The following SRGAP3 variants were observed in gnomAD, a reference collection of about 807,000 sequenced individuals.
The protein encoded by SRGAP3 is SLIT-ROBO Rho GTPase activating protein 3, also known as SLIT-ROBO Rho GTPase-activating protein 3.
A neutral mutation model predicts 121.1 loss-of-function variants in SRGAP3; 39 were observed. The observed-to-expected ratio is 0.32, with a 90% CI of 0.25 to 0.42. The LOEUF is 0.42. Ranked by LOEUF, SRGAP3 falls within the 10% of genes least tolerant of loss-of-function variation. SRGAP3 has a pLI of 1.00. For missense variants in SRGAP3, 1,213 were observed against 1,470.6 expected, an observed-to-expected ratio of 0.82 and a Z score of 2.86; for synonymous variants, 601 against 570.0, an observed-to-expected ratio of 1.05 and a Z score of -0.77.
chr3:9,034,606 C>T (rs1050764616), intron 11 of SRGAP3: 2 of 152,204 alleles, frequency 1.3e-5, no homozygotes, highest in African/African-American at 4.8e-5. Context: ...ACAATGGAAA[C>T]AAAATAACAG....
chr3:9,144,540 T>C lies in SRGAP3; in HGVS notation c.68-19623A>G, dbSNP rs147695127. Among the ~76,000 whole-genome samples the C allele has an allele frequency of 4.1e-3, 621 of 152,256 alleles. 4 individuals carry two copies. Among genetic ancestry groups the C allele is most frequent in the African/African-American group, 0.013 (543 of 41,554 alleles). ...GTTGTGGGAGGGACCCAGGAGGAGG[T>C]AGTTGAATCATGGGGGCCTATCTTT... On this transcript the variant is annotated intron_variant, in intron 1 of 21. Coordinates refer to ENST00000383836, the MANE Select transcript of SRGAP3 (RefSeq NM_014850.4).
chr3:9,234,070 G>A (rs970384252), intron 1 of SRGAP3, among the ~76,000 whole-genome samples: 2 of 152,172 alleles, frequency 1.3e-5, no homozygotes, highest in South Asian at 2.1e-4. Flanking sequence ...GATGCTCAGG[G>A]TGGGGCCTGA....
intron 1 of SRGAP3, among the ~76,000 whole-genome samples, chr3:9,350,893 A>G (rs1374579360): frequency 6.6e-6 from 1 of 152,174 alleles, no homozygotes; most frequent in Non-Finnish European, 1.5e-5. Flanking sequence ...CCCAAAACTT[A>G]GTAGTTTACC....
intron 1 of SRGAP3, among the ~76,000 whole-genome samples, chr3:9,136,220 G>A (rs1293790385): frequency 6.6e-6 from 1 of 152,130 alleles, no homozygotes; most frequent in African/African-American, 2.4e-5. Flanking sequence ...TGCGCTGCCC[G>A]GACACGGGCT....
intron 2 of SRGAP3, among the ~76,000 whole-genome samples, chr3:9,110,023 A>G (rs1948558524): frequency 6.6e-6 from 1 of 152,126 alleles, no homozygotes. Context: ...GCAGACCTTG[A>G]AGGGTTTACA....
intron 3 of SRGAP3, among the ~76,000 whole-genome samples, chr3:9,304,977 A>C (rs1452858224): frequency 1.3e-5 from 2 of 152,122 alleles, no homozygotes; most frequent in Non-Finnish European, 2.9e-5. Flanking sequence ...TTTAATCCTC[A>C]CAACAACCTT....
At chr3:9,209,758 G>A (rs1478991621) in intron 1 of SRGAP3, among the ~76,000 whole-genome samples, 1 of 152,188 alleles carries the variant, frequency 6.6e-6, no homozygotes, top group Admixed American at 6.5e-5. Flanking sequence ...TTGGCTAAAT[G>A]CATAATGGTA....
chr3:9,303,494 G>A (rs1414593060), intron 3 of SRGAP3, among the ~76,000 whole-genome samples: 1 of 151,062 alleles, frequency 6.6e-6, no homozygotes, highest in Non-Finnish European at 1.5e-5. Flanking sequence ...ACACAATACA[G>A]CAGTATTAAC....
chr3:9,057,042 C>T (rs1030039472), intron 7 of SRGAP3, among the ~76,000 whole-genome samples: 3 of 152,266 alleles, frequency 2.0e-5, no homozygotes, highest in East Asian at 1.9e-4. Context: ...CCACCATGCC[C>T]AGCTATTTTT....
chr3:9,035,968 A>T (rs563260347), intron 11 of SRGAP3: 3 of 152,284 alleles, frequency 2.0e-5, no homozygotes, highest in African/African-American at 7.2e-5. Flanking sequence ...GGGCATGTCA[A>T]CCTGGGTAAG....
At chr3:9,258,918 A>C (rs1015955469) in intron 3 of SRGAP3, among the ~76,000 whole-genome samples, 1 of 152,154 alleles carries the variant, frequency 6.6e-6, no homozygotes, top group Admixed American at 6.5e-5. Flanking sequence ...ATCAGATCAT[A>C]ATAATTTCCC....
chr3:9,287,285 C>T (rs545164245), intron 3 of SRGAP3, among the ~76,000 whole-genome samples: 5 of 152,220 alleles, frequency 3.3e-5, no homozygotes, highest in East Asian at 3.9e-4. Context: ...AACCACCACA[C>T]CCCAGCACAT....
chr3:9,024,690 T>C (rs1340548287), intron 14 of SRGAP3, among the ~76,000 whole-genome samples: 2 of 152,214 alleles, frequency 1.3e-5, no homozygotes. Flanking sequence ...CTCTCCAGGG[T>C]TGGAGGGAGT....
chr3:9,200,211 A>G (rs990974173), intron 1 of SRGAP3, among the ~76,000 whole-genome samples: 2 of 152,242 alleles, frequency 1.3e-5, no homozygotes, highest in African/African-American at 4.8e-5. Flanking sequence ...TATGTCACCA[A>G]TATACTTTGT....
intron 3 of SRGAP3, among the ~76,000 whole-genome samples, chr3:9,307,218 C>T (rs750907878): frequency 2.0e-5 from 3 of 152,214 alleles, no homozygotes; most frequent in Non-Finnish European, 4.4e-5. Context: ...AAGCAATCCA[C>T]CCACCTCAGC....
chr3:9,293,450 ACT>A (rs557272371), intron 3 of SRGAP3: 23 of 152,234 alleles, frequency 1.5e-4, no homozygotes, highest in Admixed American at 1.4e-3. Context: ...AGAATACGTG[ACT>A]CTTTCTTTTT....
At chr3:9,207,967 C>T (rs1225713791) in intron 1 of SRGAP3, among the ~76,000 whole-genome samples, 1 of 152,098 alleles carries the variant, frequency 6.6e-6, no homozygotes, top group Non-Finnish European at 1.5e-5. Context: ...GTCTGAGCTC[C>T]TTCTGCTCTG....
rs548250994 is a variant in SRGAP3 at position 9,022,228 on chromosome 3, TG to T, written c.1678+3032del. ...CTGTAGTCCCAGCTACTCAGGAGGCTGAGGCAGGAGAATCACTTGAACCTGG... is the reference window on the plus strand; with the variant it reads ...CTGTAGTCCCAGCTACTCAGGAGGCTAGGCAGGAGAATCACTTGAACCTGG... On this transcript the variant is annotated intron_variant, in intron 14 of 21. Transcript: ENST00000383836. Among the ~76,000 whole-genome samples the T allele has an allele frequency of 2.2e-4, 34 of 152,290 alleles. No individual in the cohort carries two copies. The East Asian group carries it at 6.6e-3, about 29-fold the overall frequency.
intron 1 of SRGAP3, among the ~76,000 whole-genome samples, chr3:9,357,015 C>T (rs1476620520): frequency 6.6e-6 from 1 of 151,994 alleles, no homozygotes; most frequent in African/African-American, 2.4e-5. Flanking sequence ...GTAATTCCAG[C>T]ACTTTGCAAG....
Sources: allele counts gnomAD v4.1 joint callset (sites outside exome capture counted in the v4.1 genomes callset), GRCh38; gene constraint gnomAD v4.1.1; transcripts MANE v1.5; gene names NCBI Gene and HGNC (gene_info 2026-07-23, HGNC 2026-07-21).